FTO: variants seen among roughly 807,000 people sequenced by gnomAD.
FTO encodes the protein FTO alpha-ketoglutarate dependent dioxygenase, also known as alpha-ketoglutarate-dependent dioxygenase FTO.
Under a neutral mutation model 63.9 loss-of-function variants are expected in FTO, and 47 were observed. The observed-to-expected ratio is 0.74, with a 90% CI of 0.58 to 0.94. The LOEUF (loss-of-function observed/expected upper bound fraction) is 0.94, where lower values mean the gene tolerates loss of function less well. Ranked by LOEUF, FTO falls within the 40% of genes least tolerant of loss-of-function variation. The pLI is 0.00. For missense variants in FTO, 562 were observed against 618.1 expected, an observed-to-expected ratio of 0.91 and a Z score of 0.96; for synonymous variants, 207 against 224.4, an observed-to-expected ratio of 0.92 and a Z score of 0.69.
At chr16:53,971,252 G>A (rs1023316728) in intron 8 of FTO, among the ~76,000 whole-genome samples, 8 of 152,190 alleles carry the variant, frequency 5.3e-5, no homozygotes, top group Admixed American at 2.6e-4. Flanking sequence ...TGCTTATACC[G>A]CTTTCTCCTT....
At chr16:54,105,811 G>GTGTA (rs753481081) in intron 8 of FTO, among the ~76,000 whole-genome samples, 8 of 91,718 alleles carry the variant, frequency 8.7e-5, no homozygotes, top group African/African-American at 2.6e-4. Flanking sequence ...GTGTGTGTGT[G>GTGTA]TGTATGTTAC....
intron 8 of FTO, among the ~76,000 whole-genome samples, chr16:54,036,128 G>A (rs1379618911): frequency 6.6e-6 from 1 of 152,156 alleles, no homozygotes; most frequent in Non-Finnish European, 1.5e-5. Flanking sequence ...CTTCAGATAG[G>A]TTGGTGGATT....
At chr16:53,780,322 A>G (rs901124612) in intron 1 of FTO, among the ~76,000 whole-genome samples, 1 of 152,058 alleles carries the variant, frequency 6.6e-6, no homozygotes, top group African/African-American at 2.4e-5. Flanking sequence ...CCAGATCTTT[A>G]GTCTGGGCCT....
intron 1 of FTO, among the ~76,000 whole-genome samples, chr16:53,795,771 C>T (rs569361122): frequency 4.6e-5 from 7 of 152,072 alleles, no homozygotes; most frequent in African/African-American, 1.4e-4. Context: ...CAATTACCTA[C>T]GAAAGAAAGA....
chr16:53,878,338 G>A (rs1161563091), intron 5 of FTO, among the ~76,000 whole-genome samples: 1 of 152,082 alleles, frequency 6.6e-6, no homozygotes, highest in Non-Finnish European at 1.5e-5. Context: ...GTTGCTGTGG[G>A]ACAAAAATGA....
At chr16:54,046,246 AG>A (rs2085169589) in intron 8 of FTO, among the ~76,000 whole-genome samples, 1 of 84,368 alleles carries the variant, frequency 1.2e-5, no homozygotes, top group Non-Finnish European at 1.9e-5. Flanking sequence ...TAAGCTGATA[AG>A]CAACTTCAGC....
chr16:53,914,093 G>T (rs1398554962), intron 7 of FTO, among the ~76,000 whole-genome samples: 2 of 152,022 alleles, frequency 1.3e-5, no homozygotes, highest in African/African-American at 4.8e-5. Context: ...CACTTCCCAG[G>T]GACTCTCTTA....
At position 53,711,503 on chromosome 16, in the gene FTO, C is replaced by T. The variant is rs78737939; in HGVS notation, c.45+7274C>T. ...TGGTGAGTTTTATCACGGGAGGACACGGTAGCAAAGAGGATCTAACATGGC... is the reference window on the plus strand; with the variant it reads ...TGGTGAGTTTTATCACGGGAGGACATGGTAGCAAAGAGGATCTAACATGGC... On this transcript the variant is annotated intron_variant, in intron 1 of 8. Transcript: ENST00000471389. 1,009 of 398,406 alleles carry T rather than the reference C, an allele frequency of 2.5e-3. 8 individuals carry two copies. The East Asian group carries it at 0.034, about 13-fold the overall frequency. The allele number at this position is 398,406 out of a possible 1,614,324, so 24.7% of individuals were successfully genotyped here.
chr16:54,034,663 A>G (rs977409750), intron 8 of FTO, among the ~76,000 whole-genome samples: 2 of 152,178 alleles, frequency 1.3e-5, no homozygotes, highest in Non-Finnish European at 1.5e-5. Flanking sequence ...AGGGTCTTAA[A>G]AGGGGTCATT....
intron 8 of FTO, among the ~76,000 whole-genome samples, chr16:53,958,800 C>T (rs745502719): frequency 2.6e-5 from 4 of 152,164 alleles, no homozygotes; most frequent in Non-Finnish European, 4.4e-5. Context: ...ACATCTAGGC[C>T]GGTGGATTCA....
intron 4 of FTO, among the ~76,000 whole-genome samples, chr16:53,855,000 C>T (rs1598834823): frequency 6.6e-6 from 1 of 151,642 alleles, no homozygotes; most frequent in East Asian, 1.9e-4. Context: ...TCTTCTACTA[C>T]CTTGGTCAAG....
intron 7 of FTO, among the ~76,000 whole-genome samples, chr16:53,932,598 G>A (rs1248140429): frequency 6.6e-6 from 1 of 151,942 alleles, no homozygotes. Context: ...CCATGTTAGG[G>A]AGGCTGATTT....
chr16:54,088,965 T>C (rs563763679), intron 8 of FTO, among the ~76,000 whole-genome samples: 18 of 152,328 alleles, frequency 1.2e-4, no homozygotes, highest in African/African-American at 3.8e-4. Flanking sequence ...TTCAGTCCAA[T>C]ATAAATCTCT....
chr16:54,045,083 G>C (rs1231400383), intron 8 of FTO, among the ~76,000 whole-genome samples: 5 of 75,214 alleles, frequency 6.6e-5, no homozygotes, highest in Non-Finnish European at 1.1e-4. Context: ...TCAAAAGCTA[G>C]CAGAAGGCAA....
At chr16:53,986,535 T>C (rs2083672702) in intron 8 of FTO, among the ~76,000 whole-genome samples, 1 of 152,220 alleles carries the variant, frequency 6.6e-6, no homozygotes. Context: ...TAATGCTGTC[T>C]TCTGCTAAAA....
intron 8 of FTO, among the ~76,000 whole-genome samples, chr16:54,014,551 CT>C (rs1325617111): frequency 6.6e-6 from 1 of 152,004 alleles, no homozygotes; most frequent in Non-Finnish European, 1.5e-5. Context: ...AAATAAACTT[CT>C]TTTTTTATAA....
At chr16:53,739,705 G>A (rs747063052) in intron 1 of FTO, among the ~76,000 whole-genome samples, 4 of 151,756 alleles carry the variant, frequency 2.6e-5, no homozygotes, top group South Asian at 2.1e-4. Context: ...CCACTCCCAC[G>A]TTAAAAGACA....
intron 3 of FTO, among the ~76,000 whole-genome samples, chr16:53,827,539 A>G (rs969675971): frequency 3.3e-5 from 5 of 152,204 alleles, no homozygotes; most frequent in African/African-American, 1.2e-4. Flanking sequence ...TACTAAAATT[A>G]CTGTTTTGGA....
At chr16:54,107,324 T>C (rs2086778951) in intron 8 of FTO, among the ~76,000 whole-genome samples, 1 of 152,128 alleles carries the variant, frequency 6.6e-6, no homozygotes. Context: ...TCTAATTGTT[T>C]AGCTGGGTTC....
Sources: allele counts gnomAD v4.1 joint callset (sites outside exome capture counted in the v4.1 genomes callset), GRCh38; gene constraint gnomAD v4.1.1; transcripts MANE v1.5; gene names NCBI Gene and HGNC (gene_info 2026-07-23, HGNC 2026-07-21).